The following CLDN2 variants were observed in gnomAD, a reference collection of about 807,000 sequenced individuals.
CLDN2 encodes the protein claudin-2.
A neutral mutation model predicts 8.2 loss-of-function variants in CLDN2; 1 was observed. That is an observed-to-expected ratio of 0.12 (90% CI 0.04 to 0.58). The LOEUF is 0.58. Ranked by LOEUF, CLDN2 falls within the 20% of genes least tolerant of loss-of-function variation. The probability of loss-of-function intolerance (pLI) is 0.90; values close to 1 mark genes in which losing one functional copy is unlikely to be tolerated. For missense variants in CLDN2, 108 were observed against 172.9 expected (o/e 0.62, Z 2.11); for synonymous variants, 70 against 70.2 (o/e 1.00, Z 0.01).
chrX:106,902,335 T>TAGGA, intron 1 of CLDN2: 1 of 534,128 alleles, frequency 1.9e-6, no homozygotes, highest in Non-Finnish European at 3.1e-6. Flanking sequence ...AAGCCTTTCC[T>TAGGA]AAGGCTCCTG....
chrX:106,904,760 T>C (rs1254983196), intron 1 of CLDN2, among the ~76,000 whole-genome samples: 1 of 112,225 alleles, frequency 8.9e-6, no homozygotes, highest in Non-Finnish European at 1.9e-5. Flanking sequence ...CAATTTCATA[T>C]TAAAATTGGC....
At chrX:106,911,888 A>G (rs1473260412) in intron 1 of CLDN2, among the ~76,000 whole-genome samples, 1 of 111,725 alleles carries the variant, frequency 9.0e-6, no homozygotes, top group East Asian at 2.8e-4. Context: ...GCAGACAGCT[A>G]TGACAGGTGC....
At chrX:106,903,427 A>T in intron 1 of CLDN2, 1 of 607,396 alleles carries the variant, frequency 1.6e-6, no homozygotes, top group Non-Finnish European at 2.4e-6. Context: ...ATGACTTGGG[A>T]GGGGGATAAA....
upstream of CLDN2, among the ~76,000 whole-genome samples, chrX:106,913,848 A>G (rs1454423793): frequency 2.7e-5 from 3 of 109,621 alleles, no homozygotes; most frequent in Admixed American, 9.7e-5. Flanking sequence ...GAGGCTACCT[A>G]CACTCCTTCT....
chrX:106,900,613 C>T, intron 1 of CLDN2: 1 of 1,032,249 alleles, frequency 9.7e-7, no homozygotes, highest in Non-Finnish European at 1.3e-6. Flanking sequence ...ACTTGCCAGA[C>T]AAACTGAACC....
upstream of CLDN2, among the ~76,000 whole-genome samples, chrX:106,919,528 G>A (rs1196610895): frequency 2.7e-5 from 3 of 111,339 alleles, no homozygotes; most frequent in African/African-American, 6.5e-5. Flanking sequence ...CTGTCACCCA[G>A]GCTGGAGTGC....
intron 1 of CLDN2, among the ~76,000 whole-genome samples, chrX:106,909,208 C>G (rs1451151057): frequency 8.9e-6 from 1 of 112,291 alleles, no homozygotes; most frequent in Admixed American, 9.4e-5. Context: ...TAATTCAAGT[C>G]TCACAAACAA....
intron 1 of CLDN2, among the ~76,000 whole-genome samples, chrX:106,925,208 G>A (rs931268008): frequency 7.2e-5 from 8 of 111,617 alleles, no homozygotes; most frequent in African/African-American, 9.8e-5. Context: ...TGTAAAAAGT[G>A]CTTATAATGG....
intron 1 of CLDN2, among the ~76,000 whole-genome samples, chrX:106,927,501 A>G (rs1277204223): frequency 9.0e-6 from 1 of 111,187 alleles, no homozygotes; most frequent in Non-Finnish European, 1.9e-5. Context: ...CATGGCTGGG[A>G]GGATCTGAAC....
At chrX:106,926,891 TCACACACACACACACACACA>T (rs36178406) in intron 1 of CLDN2, among the ~76,000 whole-genome samples, 2 of 10,287 alleles carry the variant, frequency 1.9e-4, no homozygotes, top group African/African-American at 1.4e-3. Flanking sequence ...GGCAGGAGGA[TCACACACACACACACACACA>T]CACACACACA....
intron 1 of CLDN2, chrX:106,902,020 G>A (rs969095413): frequency 1.9e-6 from 1 of 537,415 alleles, no homozygotes; most frequent in Non-Finnish European, 3.1e-6. Context: ...GCAAAACTGT[G>A]AGGATGCTAT....
chrX:106,900,490 T>C (rs1270538294), exon 1 of CLDN2: 1 of 338,846 alleles, frequency 3.0e-6, no homozygotes, highest in East Asian at 5.4e-5. Context: ...AGGCCTGAGC[T>C]CACAGGCCAT....
At chrX:106,900,667 A>G (rs1602450728) in intron 1 of CLDN2, 2 of 1,128,156 alleles carry the variant, frequency 1.8e-6, no homozygotes, top group Non-Finnish European at 2.3e-6. Flanking sequence ...GTTAGGGGTG[A>G]GGAAGGGGGA....
intron 1 of CLDN2, among the ~76,000 whole-genome samples, chrX:106,907,391 A>G (rs1353677279): frequency 8.9e-6 from 1 of 111,845 alleles, no homozygotes; most frequent in Non-Finnish European, 1.9e-5. Flanking sequence ...TTTTTCAATA[A>G]ATACATTTTT....
intron 1 of CLDN2, among the ~76,000 whole-genome samples, chrX:106,923,038 C>T (rs1218816648): frequency 9.6e-6 from 1 of 104,248 alleles, no homozygotes; most frequent in African/African-American, 3.5e-5. Flanking sequence ...TGCAGTGGCA[C>T]AATCTCGGCT....
At position 106,930,468 on chromosome X, in the gene CLDN2, G is replaced by A. The variant is rs890637044; in HGVS notation, c.*1547G>A. On this transcript the variant is annotated 3_prime_UTR_variant, in exon 2 of 2. Coordinates refer to ENST00000336803, the MANE Select transcript of CLDN2 (RefSeq NM_020384.4). ...TCGAACCTCATTGTCAGCAGAGAGG[G>A]CCCATCTGTTGTCTGTAACATGCCT... The A allele has an allele frequency of 8.2e-6, 1 of 122,490 alleles. No individual in the cohort carries two copies. Among genetic ancestry groups the A allele is most frequent in the Non-Finnish European group, 1.9e-5 (1 of 53,051 alleles). 10.1% of individuals were successfully genotyped at this position (122,490 alleles called of 1,213,427 possible). A position where few individuals can be genotyped will look rare whatever the true frequency, so the allele number is the denominator to read the frequency against.
At chrX:106,926,234 T>C (rs1340360561) in intron 1 of CLDN2, among the ~76,000 whole-genome samples, 1 of 111,567 alleles carries the variant, frequency 9.0e-6, no homozygotes, top group Non-Finnish European at 1.9e-5. Context: ...AGGGAAGAAC[T>C]GTTTGGGGAA....
chrX:106,903,030 C>T, intron 1 of CLDN2: 1 of 912,850 alleles, frequency 1.1e-6, no homozygotes, highest in Non-Finnish European at 1.6e-6. Flanking sequence ...CATTGCTTTT[C>T]CCCTTCACAG....
intron 1 of CLDN2, chrX:106,901,379 C>A (rs1933091214): frequency 3.5e-6 from 3 of 848,645 alleles, no homozygotes; most frequent in Non-Finnish European, 5.2e-6. Flanking sequence ...TCATAGATAG[C>A]AATTCCTCCC....
Sources: gnomAD v4.1 joint callset for allele counts (sites outside exome capture counted in the v4.1 genomes callset) on GRCh38, gnomAD v4.1.1 for gene constraint, MANE v1.5 for transcripts, NCBI Gene and HGNC (gene_info 2026-07-23, HGNC 2026-07-21) for gene names.